The following CDH12 variants were observed in gnomAD, a reference collection of about 807,000 sequenced individuals.
The protein encoded by CDH12 is cadherin-12.
In CDH12, 41 loss-of-function variants were observed where a neutral mutation model predicts 74.1. The observed-to-expected ratio is 0.55, with a 90% CI of 0.43 to 0.72. The LOEUF (loss-of-function observed/expected upper bound fraction) is 0.72. Among genes scored for constraint, CDH12 ranks in the 30% least tolerant of loss-of-function variants. The probability of loss-of-function intolerance (pLI) is 0.00; values close to 1 mark genes in which losing one functional copy is unlikely to be tolerated. For missense variants in CDH12, 945 were observed against 977.2 expected, an observed-to-expected ratio of 0.97 and a Z score of 0.44; for synonymous variants, 399 against 355.0, an observed-to-expected ratio of 1.12 and a Z score of -1.39.
At chr5:22,710,121 C>T (rs1318803591) in intron 1 of CDH12, among the ~76,000 whole-genome samples, 2 of 152,138 alleles carry the variant, frequency 1.3e-5, no homozygotes, top group African/African-American at 4.8e-5. Context: ...CCCTCTATTT[C>T]CTATAATTTA....
At chr5:22,766,335 A>C (rs140068171) in intron 1 of CDH12, among the ~76,000 whole-genome samples, 25 of 152,248 alleles carry the variant, frequency 1.6e-4, no homozygotes, top group African/African-American at 5.5e-4. Context: ...ATTTAGAGTT[A>C]GAAAAAAATT....
rs983588014 is a variant in CDH12 at position 22,576,000 on chromosome 5, C to T, written c.-522-70636G>A. Among the ~76,000 whole-genome samples, 6 of 152,110 alleles carry T rather than the reference C, an allele frequency of 3.9e-5. 1 individual carries two copies. Among genetic ancestry groups the T allele is most frequent in the Non-Finnish European group, 7.4e-5 (5 of 67,970 alleles). ...CAGCCTCCCAAAGTGCTGGACATGA[C>T]CACCGCATGAGCCACCAAGCCTGGC... On this transcript the variant is annotated intron_variant, in intron 1 of 14. Transcript: ENST00000382254.
intron 2 of CDH12, among the ~76,000 whole-genome samples, chr5:22,472,099 G>C (rs995039147): frequency 6.6e-6 from 1 of 152,150 alleles, no homozygotes; most frequent in Non-Finnish European, 1.5e-5. Flanking sequence ...GATATGTCAA[G>C]GGTGGAAGAC....
intron 1 of CDH12, among the ~76,000 whole-genome samples, chr5:22,833,859 G>A (rs1407084359): frequency 6.6e-6 from 1 of 151,754 alleles, no homozygotes; most frequent in East Asian, 1.9e-4. Context: ...ATAGCACATG[G>A]TTATTTTCTA....
chr5:22,240,847 T>C (rs1423402182), intron 3 of CDH12, among the ~76,000 whole-genome samples: 1 of 152,172 alleles, frequency 6.6e-6, no homozygotes, highest in Non-Finnish European at 1.5e-5. Context: ...GGATAGTAAT[T>C]ATTTTTAACA....
chr5:22,493,803 C>A (rs919408166), intron 2 of CDH12, among the ~76,000 whole-genome samples: 1 of 152,156 alleles, frequency 6.6e-6, no homozygotes, highest in Admixed American at 6.5e-5. Context: ...GGCCACAGGG[C>A]CTTAGATGAG....
intron 4 of CDH12, among the ~76,000 whole-genome samples, chr5:22,187,340 G>A (rs1353214774): frequency 6.6e-6 from 1 of 152,162 alleles, no homozygotes; most frequent in African/African-American, 2.4e-5. Context: ...GGTGGAAAAG[G>A]CTGCAACAGG....
At chr5:22,842,133 T>C (rs540157206) in intron 1 of CDH12, among the ~76,000 whole-genome samples, 2 of 152,302 alleles carry the variant, frequency 1.3e-5, no homozygotes, top group Admixed American at 6.5e-5. Context: ...ATGGAACTAG[T>C]ACTGCCACGG....
intron 5 of CDH12, among the ~76,000 whole-genome samples, chr5:22,021,590 C>T (rs1485547275): frequency 3.3e-5 from 5 of 152,128 alleles, no homozygotes; most frequent in Non-Finnish European, 5.9e-5. Context: ...TCTGAGTACT[C>T]GTACAACCAT....
intron 3 of CDH12, among the ~76,000 whole-genome samples, chr5:22,391,840 C>T (rs374382551): frequency 3.9e-5 from 6 of 152,114 alleles, no homozygotes; most frequent in East Asian, 3.9e-4. Flanking sequence ...ATTTTATAGA[C>T]TTTAAAACTG....
intron 1 of CDH12, among the ~76,000 whole-genome samples, chr5:22,622,580 G>A (rs955878829): frequency 6.6e-6 from 1 of 152,134 alleles, no homozygotes; most frequent in Admixed American, 6.5e-5. Flanking sequence ...AGAAGAAATG[G>A]ATGAATTCCT....
intron 6 of CDH12, among the ~76,000 whole-genome samples, chr5:21,871,608 C>T (rs1200618299): frequency 6.6e-6 from 1 of 152,098 alleles, no homozygotes; most frequent in African/African-American, 2.4e-5. Flanking sequence ...TGGCACACGC[C>T]TGTAATCCCA....
chr5:22,716,779 G>A (rs192709228), intron 1 of CDH12, among the ~76,000 whole-genome samples: 40 of 151,910 alleles, frequency 2.6e-4, no homozygotes, highest in Middle Eastern at 3.4e-3. Flanking sequence ...CCCTGTGTAG[G>A]CCTAGGCTAA....
chr5:22,511,172 G>A (rs995410803), intron 1 of CDH12, among the ~76,000 whole-genome samples: 2 of 152,094 alleles, frequency 1.3e-5, no homozygotes, highest in African/African-American at 4.8e-5. Context: ...TGGGATTAGA[G>A]GCGTGAGCCA....
chr5:22,643,713 G>A (rs1026937263), intron 1 of CDH12, among the ~76,000 whole-genome samples: 1 of 128,276 alleles, frequency 7.8e-6, no homozygotes, highest in Admixed American at 7.7e-5. Flanking sequence ...ATTTTATTGC[G>A]CTTTTGGATT....
chr5:22,234,728 C>T (rs1752504419), intron 3 of CDH12, among the ~76,000 whole-genome samples: 1 of 151,190 alleles, frequency 6.6e-6, no homozygotes, highest in Non-Finnish European at 1.5e-5. Flanking sequence ...AGATATTTAT[C>T]TGTCTATCCA....
At chr5:22,608,270 T>C (rs1737220596) in intron 1 of CDH12, among the ~76,000 whole-genome samples, 1 of 152,220 alleles carries the variant, frequency 6.6e-6, no homozygotes, top group African/African-American at 2.4e-5. Flanking sequence ...AGCAATGACC[T>C]GGATATAAGA....
At chr5:22,041,449 T>C (rs1011114840) in intron 5 of CDH12, among the ~76,000 whole-genome samples, 3 of 152,248 alleles carry the variant, frequency 2.0e-5, no homozygotes, top group African/African-American at 7.2e-5. Context: ...CTTTAGCCTA[T>C]GTACATATAG....
At chr5:22,070,986 G>C (rs951072318) in intron 5 of CDH12, among the ~76,000 whole-genome samples, 1 of 152,024 alleles carries the variant, frequency 6.6e-6, no homozygotes, top group Non-Finnish European at 1.5e-5. Context: ...GGGGTGGATG[G>C]GGAGGGAGAG....
Sources: allele counts gnomAD v4.1 joint callset (sites outside exome capture counted in the v4.1 genomes callset), GRCh38; gene constraint gnomAD v4.1.1; transcripts MANE v1.5; gene names NCBI Gene and HGNC (gene_info 2026-07-23, HGNC 2026-07-21).